Variants in ABCA12 observed in about 807,000 individuals in gnomAD.
ABCA12 encodes ATP binding cassette subfamily A member 12, also known as glucosylceramide transporter ABCA12.
A neutral mutation model predicts 293.5 loss-of-function variants in ABCA12; 156 were observed. The ratio of observed to expected loss-of-function variants is 0.53; its 90% confidence interval spans 0.47 to 0.61. The LOEUF (loss-of-function observed/expected upper bound fraction) is 0.61, where lower values mean the gene tolerates loss of function less well. Ranked by LOEUF, ABCA12 falls within the 20% of genes least tolerant of loss-of-function variation. The pLI, the probability that ABCA12 is intolerant of heterozygous loss-of-function variation, is 0.00. For missense variants in ABCA12, 2,797 were observed against 3,090.2 expected (o/e 0.91, Z 2.25); for synonymous variants, 1,063 against 1,108.0 (o/e 0.96, Z 0.81).
chr2:215,025,568 G>T, intron 11 of ABCA12, 105 bp downstream of exon 11: 1 of 754,858 alleles, frequency 1.3e-6, no homozygotes, highest in Non-Finnish European at 2.2e-6. Context: ...ACTTAAAAGT[G>T]TATCTTGCCA....
At chr2:215,061,583 T>C (rs1048684235) in intron 3 of ABCA12, among the ~76,000 whole-genome samples, 3 of 152,124 alleles carry the variant, frequency 2.0e-5, no homozygotes, top group Non-Finnish European at 4.4e-5. Context: ...CACAGCTATA[T>C]AAAGCATAAA....
intron 9 of ABCA12, among the ~76,000 whole-genome samples, chr2:215,030,861 T>A (rs1380953167): frequency 6.6e-6 from 1 of 152,196 alleles, no homozygotes; most frequent in East Asian, 1.9e-4. Flanking sequence ...AGAAAAAAAT[T>A]GGTTAAACCT....
intron 1 of ABCA12, among the ~76,000 whole-genome samples, chr2:215,136,070 G>C (rs955078929): frequency 2.6e-5 from 4 of 152,062 alleles, no homozygotes; most frequent in African/African-American, 9.7e-5. Flanking sequence ...GACTTTCTCT[G>C]ACCTCACTCT....
At chr2:214,953,011 G>A (rs1574936770) in intron 44 of ABCA12, among the ~76,000 whole-genome samples, 1 of 152,144 alleles carries the variant, frequency 6.6e-6, no homozygotes, top group South Asian at 2.1e-4. Flanking sequence ...ATCTTCAACT[G>A]TATATATCTC....
In ABCA12 at chr2:214,966,459, A is replaced by C. The variant is rs145905345; in HGVS notation, c.5884+389T>G. Among the ~76,000 whole-genome samples the C allele has an allele frequency of 5.8e-4, 89 of 152,344 alleles. No homozygotes were observed. In the East Asian group the frequency reaches 0.011, roughly 19 times the overall value. ...AACCACTAACATATGTCAAAAAAGA[A>C]AGAAAAGTTTTGTCATCATATTTAG... is the stretch of plus-strand genomic sequence containing the variant. On this transcript the variant is annotated intron_variant, in intron 39 of 52. Transcript: ENST00000272895.
At chr2:215,062,685 G>A (rs907191794) in intron 3 of ABCA12, among the ~76,000 whole-genome samples, 6 of 54,132 alleles carry the variant, frequency 1.1e-4, no homozygotes, top group African/African-American at 3.2e-4. Context: ...GCTGTTTCTC[G>A]GCATGCAACA....
intron 2 of ABCA12, among the ~76,000 whole-genome samples, chr2:215,109,248 T>G (rs1203273608): frequency 6.6e-6 from 1 of 152,180 alleles, no homozygotes; most frequent in African/African-American, 2.4e-5. Flanking sequence ...AGTTTCAGAC[T>G]TAGAAAAAAT....
At chr2:215,065,299 A>T (rs1410880340) in intron 2 of ABCA12, among the ~76,000 whole-genome samples, 211 of 17,448 alleles carry the variant, frequency 0.012, 1 homozygote, top group Middle Eastern at 0.056. Flanking sequence ...TGAATGTGTA[A>T]AAAAAAAAAA....
Position 214,997,779 on chromosome 2 carries a change from T to G in ABCA12, c.3210A>C (p.Pro1070=), listed in dbSNP as rs747135283. The G allele has an allele frequency of 6.2e-7, 1 of 1,613,268 alleles. No individual in the cohort carries two copies. Among genetic ancestry groups the G allele is most frequent in the Non-Finnish European group, 8.5e-7 (1 of 1,179,532 alleles). Residue 1070 remains proline, a synonymous_variant, in exon 23 of 53, where the codon CCA becomes CCC. Transcript: ENST00000272895. ...NFLTSVSYSL[P]IVLMVAWVVF... is the part of the protein sequence containing the mutation. ...CAACCCAGGCAACCATAAGCACAATTGGAAGAGAATAAGAGACACTGGTTA... is the reference window on the plus strand; with the variant it reads ...CAACCCAGGCAACCATAAGCACAATGGGAAGAGAATAAGAGACACTGGTTA...
intron 41 of ABCA12, among the ~76,000 whole-genome samples, chr2:214,957,064 C>A (rs1056341450): frequency 6.6e-6 from 1 of 152,186 alleles, no homozygotes; most frequent in Admixed American, 6.5e-5. Flanking sequence ...TGGGATGGTT[C>A]AGTGACAGAG....
intron 2 of ABCA12, among the ~76,000 whole-genome samples, chr2:215,083,260 T>A (rs1210345702): frequency 6.6e-6 from 1 of 152,046 alleles, no homozygotes; most frequent in African/African-American, 2.4e-5. Flanking sequence ...ACACCTAGAG[T>A]CACCCAGAAG....
At chr2:215,118,064 T>C (rs1028689551) in intron 1 of ABCA12, among the ~76,000 whole-genome samples, 1 of 152,236 alleles carries the variant, frequency 6.6e-6, no homozygotes, top group Non-Finnish European at 1.5e-5. Context: ...CATTTGAGTC[T>C]GTGCCTTTAT....
At position 214,956,755 on chromosome 2, in the gene ABCA12, C is replaced by A. The variant is rs754194195; in HGVS notation, c.6141G>T (p.Ala2047=). 6.2e-7 allele frequency: 1 copy of A among 1,612,572 alleles called. No individual in the cohort carries two copies. The highest frequency in any genetic ancestry group is 1.3e-5 in the African/African-American group (1 of 74,680). Residue 2047 remains alanine (A), a synonymous_variant, in exon 42 of 53, where the codon GCG becomes GCT. Transcript: ENST00000272895. ...YDMVFYLVPV[A]FSIGIIAIFK... ...AAATCGCAATGATACCAATTGAAAA[C>A]GCTACAGGCACCAAGTAGAAAACCT... is the stretch of plus-strand genomic sequence containing the variant.
intron 29 of ABCA12, 40 bp from the exon 30 acceptor site, chr2:214,982,423 T>C: frequency 6.5e-7 from 1 of 1,543,740 alleles, no homozygotes; most frequent in Non-Finnish European, 8.9e-7. Context: ...TTTACAGATA[T>C]ACTATTTGAG....
intron 39 of ABCA12, among the ~76,000 whole-genome samples, chr2:214,963,943 A>C (rs1195396191): frequency 6.6e-6 from 1 of 151,208 alleles, no homozygotes; most frequent in Non-Finnish European, 1.5e-5. Flanking sequence ...AAAAAAAAAA[A>C]AACTTCAGGC....
intron 5 of ABCA12, among the ~76,000 whole-genome samples, chr2:215,051,827 A>T (rs1217280915): frequency 6.6e-6 from 1 of 152,094 alleles, no homozygotes; most frequent in Non-Finnish European, 1.5e-5. Flanking sequence ...CAGATGAAAG[A>T]CAATAAGGGG....
At chr2:215,093,846 C>T (rs1702197837) in intron 2 of ABCA12, among the ~76,000 whole-genome samples, 1 of 152,216 alleles carries the variant, frequency 6.6e-6, no homozygotes, top group African/African-American at 2.4e-5. Context: ...GATACCACAC[C>T]TGACCCCCAT....
intron 50 of ABCA12, among the ~76,000 whole-genome samples, chr2:214,937,971 T>C (rs1698273107): frequency 6.6e-6 from 1 of 152,170 alleles, no homozygotes; most frequent in African/African-American, 2.4e-5. Context: ...TGTTTATTAT[T>C]ATACTTTAAG....
chr2:215,078,713 T>C (rs1204026972), intron 2 of ABCA12, among the ~76,000 whole-genome samples: 1 of 152,204 alleles, frequency 6.6e-6, no homozygotes, highest in African/African-American at 2.4e-5. Context: ...TAACTGTTTC[T>C]ACCCTTAGTG....
Sources: allele counts gnomAD v4.1 joint callset (sites outside exome capture counted in the v4.1 genomes callset), GRCh38; gene constraint gnomAD v4.1.1; transcripts MANE v1.5; gene names NCBI Gene and HGNC (gene_info 2026-07-23, HGNC 2026-07-21).